The following PCSK5 variants were observed in gnomAD, a reference collection of about 807,000 sequenced individuals.
PCSK5 encodes the protein prohormone convertase 5.
In PCSK5, 129 loss-of-function variants were observed where a neutral mutation model predicts 233.2. That is an observed-to-expected ratio of 0.55 (90% CI 0.48 to 0.64). The LOEUF is 0.64. Among genes scored for constraint, PCSK5 ranks in the 30% least tolerant of loss-of-function variants. PCSK5 has a pLI of 0.00. For missense variants in PCSK5, 2,076 were observed against 2,430.1 expected, an observed-to-expected ratio of 0.85 and a Z score of 3.06; for synonymous variants, 825 against 879.2, an observed-to-expected ratio of 0.94 and a Z score of 1.09.
intron 20 of PCSK5, among the ~76,000 whole-genome samples, chr9:76,212,492 C>A (rs893669717): frequency 1.3e-5 from 2 of 152,238 alleles, no homozygotes; most frequent in Non-Finnish European, 2.9e-5. Flanking sequence ...TGACAAAGTA[C>A]TGCCTGTGGC....
rs764665798 is a variant in PCSK5, at chr9:76,302,129, TAA to T, written c.3524-3_3524-2del. 17 of 1,276,814 alleles carry T rather than the reference TAA, an allele frequency of 1.3e-5. No individual in the cohort carries two copies. The highest frequency in any genetic ancestry group is 1.6e-5 in the Non-Finnish European group (16 of 972,672). The allele number at this position is 1,276,814 out of a possible 1,614,324, so 79.1% of individuals were successfully genotyped here. A position where few individuals can be genotyped will look rare whatever the true frequency, so the allele number is the denominator to read the frequency against. On this transcript the variant is annotated splice_region_variant and splice_polypyrimidine_tract_variant and intron_variant, in intron 27 of 37. Coordinates refer to ENST00000674117, the MANE Select transcript of PCSK5 (RefSeq NM_001372043.1). ...AAAAACTAAACACTTTTTTTTTTAA[TAA>T]AAAAGAAGCTGTGTCCACTGCAAAC...
Position 76,350,917 on chromosome 9 carries a change from A to G in PCSK5, c.5056A>G (p.Arg1686Gly). The G allele has an allele frequency of 6.3e-7, 1 of 1,588,552 alleles. No homozygotes were observed. The highest frequency in any genetic ancestry group is 8.6e-7 in the Non-Finnish European group (1 of 1,158,980). Reference protein sequence around the residue: ...CTSDCLVGEYRVGEGEKFNCE... With the variant: ...CTSDCLVGEYGVGEGEKFNCE... The stretch of plus-strand genomic sequence containing the variant: ...CTCGGACTGTCTTGTGGGGGAATAC[A>G]GAGTGGGAGAGGTATGGAGGGCTGG... The change falls in exon 36 of 38, where the codon AGA becomes GGA. Residue 1686 changes from arginine to glycine, a missense_variant. This residue lies in a region of PCSK5 where 1,510 missense variants were observed against 1,538.1 expected (regional missense o/e 0.98). Coordinates refer to ENST00000674117, the MANE Select transcript of PCSK5 (RefSeq NM_001372043.1).
At chr9:76,084,957 C>T (rs7873164) in intron 7 of PCSK5, among the ~76,000 whole-genome samples, 1,665 of 152,232 alleles carry the variant, frequency 0.011, 30 homozygotes, top group African/African-American at 0.038. Flanking sequence ...TAGCTGTGAA[C>T]ATTATTATAA....
intron 5 of PCSK5, among the ~76,000 whole-genome samples, chr9:76,046,222 G>T (rs1250494822): frequency 6.9e-5 from 8 of 115,718 alleles, no homozygotes; most frequent in Non-Finnish European, 9.7e-5. Context: ...CTCTCGCCCA[G>T]GCTGGAATGC....
rs549175660 is a variant in PCSK5, at chr9:76,189,138, A to G, written c.2425A>G (p.Met809Val). 53 of 1,613,276 alleles carry G rather than the reference A, an allele frequency of 3.3e-5. No individual in the cohort carries two copies. The East Asian group carries it at 9.4e-4, about 28-fold the overall frequency. Residue 809 changes from methionine (M) to valine (V), a missense_variant, in exon 19 of 38, where the codon ATG becomes GTG. Around this residue, in one of 6 missense-constraint regions of PCSK5, gnomAD observed 1,510 missense variants for 1,538.1 expected, o/e 0.98. Coordinates refer to ENST00000674117, the MANE Select transcript of PCSK5 (RefSeq NM_001372043.1). Reference sequence around the variant, plus strand: ...CATTAACTGCACAGAGGGCTACTTCATGGAGGATGGGAGATGCGTGCAGAG... The same window carrying G: ...CATTAACTGCACAGAGGGCTACTTCGTGGAGGATGGGAGATGCGTGCAGAG... ...GCINCTEGYF[M>V]EDGRCVQSCS...
chr9:76,278,806 T>A (rs1300480769), intron 24 of PCSK5, among the ~76,000 whole-genome samples: 3 of 152,178 alleles, frequency 2.0e-5, no homozygotes, highest in African/African-American at 7.2e-5. Context: ...TCTGTGTCAT[T>A]AAATACTCTT....
At chr9:75,949,041 A>G (rs1194054676) in intron 2 of PCSK5, among the ~76,000 whole-genome samples, 1 of 150,882 alleles carries the variant, frequency 6.6e-6, no homozygotes, top group Non-Finnish European at 1.5e-5. Flanking sequence ...ACTAATGAAT[A>G]TATTTTAAGA....
rs993604412 is a variant in PCSK5 at position 76,273,564 on chromosome 9, AATATATATATACATATAT to A, written c.3143-18657_3143-18640del. 2.0e-3 allele frequency among the ~76,000 whole-genome samples: 150 copies of A among 74,854 alleles called. 4 individuals are homozygous for A. Among genetic ancestry groups the A allele is most frequent in the African/African-American group, 7.0e-3 (139 of 19,786 alleles). The allele number at this position is 74,854 out of a possible 152,430, so 49.1% of individuals were successfully genotyped here. ...TCTTCTTATAGATTAACAAAATAGT[AATATATATATACATATAT>A]ATATATATATATATTTGTACTGCTT... is the stretch of plus-strand genomic sequence containing the variant. On this transcript the variant is annotated intron_variant, in intron 24 of 37. Transcript: ENST00000674117.
chr9:76,127,379 A>G (rs1164217772), intron 9 of PCSK5, among the ~76,000 whole-genome samples: 1 of 152,154 alleles, frequency 6.6e-6, no homozygotes, highest in Non-Finnish European at 1.5e-5. Context: ...ATCCTCCACA[A>G]TTACATCAAT....
At chr9:76,028,007 A>G (rs1341852994) in intron 5 of PCSK5, among the ~76,000 whole-genome samples, 2 of 152,212 alleles carry the variant, frequency 1.3e-5, no homozygotes, top group South Asian at 4.1e-4. Flanking sequence ...ATAAAACCAT[A>G]TGACCTAGAA....
intron 22 of PCSK5, among the ~76,000 whole-genome samples, chr9:76,234,569 A>G (rs1248043613): frequency 6.6e-6 from 1 of 152,226 alleles, no homozygotes; most frequent in African/African-American, 2.4e-5. Context: ...TTCTGTATAT[A>G]AATTCATTGC....
At chr9:76,202,740 A>G (rs1230764428) in intron 20 of PCSK5, among the ~76,000 whole-genome samples, 1 of 152,122 alleles carries the variant, frequency 6.6e-6, no homozygotes, top group Non-Finnish European at 1.5e-5. Flanking sequence ...AGAAGGTTAG[A>G]TCTCCTTAGT....
chr9:75,950,154 G>T (rs1462555996), intron 2 of PCSK5, among the ~76,000 whole-genome samples: 1 of 58,034 alleles, frequency 1.7e-5, no homozygotes, highest in Non-Finnish European at 3.6e-5. Context: ...TGGGGGGGGC[G>T]GGGAGGGGGG....
chr9:76,194,789 A>G (rs894957930), intron 20 of PCSK5: 10 of 465,402 alleles, frequency 2.1e-5, no homozygotes, highest in Middle Eastern at 3.3e-4. Flanking sequence ...CTTCATATCA[A>G]AGCTTCATTG....
At chr9:76,189,563 T>C in intron 19 of PCSK5, 68 bp from the exon 20 acceptor site, 1 of 914,994 alleles carries the variant, frequency 1.1e-6, no homozygotes, top group Non-Finnish European at 1.8e-6. Flanking sequence ...CATTATGAGG[T>C]TGCTAGTAAA....
intron 30 of PCSK5, among the ~76,000 whole-genome samples, chr9:76,319,108 C>T (rs2036059): frequency 0.52 from 78,912 of 151,834 alleles, 22,042 homozygotes; most frequent in African/African-American, 0.72. Context: ...CCCAAGGTGG[C>T]CAGGGCACAG....
At chr9:75,967,683 T>C (rs897228279) in intron 2 of PCSK5, among the ~76,000 whole-genome samples, 9 of 152,304 alleles carry the variant, frequency 5.9e-5, no homozygotes, top group African/African-American at 2.2e-4. Flanking sequence ...ACCAAGGGGA[T>C]TCCTCTGTTG....
At chr9:76,020,304 G>A (rs555664237) in intron 3 of PCSK5, among the ~76,000 whole-genome samples, 1 of 152,270 alleles carries the variant, frequency 6.6e-6, no homozygotes, top group East Asian at 1.9e-4. Context: ...GGTCAGTGTT[G>A]GGTGACATCA....
chr9:76,312,922 A>ACT (rs1390107135), intron 30 of PCSK5, among the ~76,000 whole-genome samples: 1 of 152,192 alleles, frequency 6.6e-6, no homozygotes, highest in Non-Finnish European at 1.5e-5. Context: ...GGAGGTTTAC[A>ACT]TCAGTCAATG....
Sources: gnomAD v4.1 joint callset for allele counts (sites outside exome capture counted in the v4.1 genomes callset) on GRCh38, gnomAD v4.1.1 for gene constraint, gnomAD v4.1.1 regional missense constraint, MANE v1.5 for transcripts, NCBI Gene and HGNC (gene_info 2026-07-23, HGNC 2026-07-21) for gene names.